Variants in TAFA2 observed in about 807,000 individuals in gnomAD.
The protein encoded by TAFA2 is TAFA chemokine like family member 2.
Under a neutral mutation model 18.8 loss-of-function variants are expected in TAFA2, and 7 were observed. The observed-to-expected ratio is 0.37, with a 90% CI of 0.21 to 0.70. The LOEUF (loss-of-function observed/expected upper bound fraction) is 0.70. Among genes scored for constraint, TAFA2 ranks in the 30% least tolerant of loss-of-function variants. The pLI, the probability that TAFA2 is intolerant of heterozygous loss-of-function variation, is 0.53. For synonymous variants in TAFA2, 60 were observed against 54.2 expected (o/e 1.11, Z -0.47); for missense variants, 122 against 158.1 (o/e 0.77, Z 1.23).
intron 2 of TAFA2, among the ~76,000 whole-genome samples, chr12:61,836,931 T>G (rs1872958377): frequency 6.6e-6 from 1 of 151,378 alleles, no homozygotes; most frequent in African/African-American, 2.4e-5. Context: ...TGAAGGCTAT[T>G]ATTTTATTAT....
chr12:61,895,869 A>G (rs1299888005), intron 1 of TAFA2, among the ~76,000 whole-genome samples: 1 of 152,150 alleles, frequency 6.6e-6, no homozygotes, highest in Non-Finnish European at 1.5e-5. Context: ...CCAGTAATCT[A>G]GTATCCTAAA....
At chr12:62,198,734 A>C (rs147323896) in intron 1 of TAFA2, among the ~76,000 whole-genome samples, 1 of 152,218 alleles carries the variant, frequency 6.6e-6, no homozygotes, top group Non-Finnish European at 1.5e-5. Flanking sequence ...GGAAGCACAG[A>C]ATTCATTCCA....
Position 61,963,525 on chromosome 12 carries a change from C to T in TAFA2, c.-1-96099G>A, listed in dbSNP as rs58478765. 4.9e-3 allele frequency among the ~76,000 whole-genome samples: 747 copies of T among 151,988 alleles called. 8 individuals carry two copies. The highest frequency in any genetic ancestry group is 0.017 in the African/African-American group (711 of 41,484). ...AGAAGTGTCTGTTCATATCCTTCAC[C>T]CACTTTTTGATGGGGTTGTTTAGGG... On this transcript the variant is annotated intron_variant, in intron 1 of 4. Coordinates refer to ENST00000416284, the MANE Select transcript of TAFA2 (RefSeq NM_178539.5).
chr12:62,247,912 C>T (rs1024798156), intron 1 of TAFA2, among the ~76,000 whole-genome samples: 4 of 152,054 alleles, frequency 2.6e-5, no homozygotes, highest in African/African-American at 9.7e-5. Flanking sequence ...ATTAGAAAGA[C>T]TGTTTCTTTT....
chr12:61,780,008 G>T (rs552426318), intron 2 of TAFA2, among the ~76,000 whole-genome samples: 3 of 151,922 alleles, frequency 2.0e-5, no homozygotes, highest in African/African-American at 7.2e-5. Context: ...TGGGCTTAGA[G>T]ATGTGTTTGA....
intron 4 of TAFA2, among the ~76,000 whole-genome samples, chr12:61,730,941 G>A (rs1273266412): frequency 1.3e-5 from 2 of 152,032 alleles, no homozygotes; most frequent in African/African-American, 4.8e-5. Context: ...CCCCACCATA[G>A]GATTCTGCCC....
At chr12:61,845,715 C>T (rs935945843) in intron 2 of TAFA2, among the ~76,000 whole-genome samples, 7 of 152,130 alleles carry the variant, frequency 4.6e-5, no homozygotes, top group African/African-American at 1.7e-4. Context: ...GGACTTACAG[C>T]CACATATTTT....
chr12:62,237,663 T>A (rs150215312), intron 1 of TAFA2, among the ~76,000 whole-genome samples: 112 of 152,374 alleles, frequency 7.4e-4, no homozygotes, highest in African/African-American at 2.6e-3. Flanking sequence ...TGGCTTGTTT[T>A]CAACTTTCTA....
intron 1 of TAFA2, among the ~76,000 whole-genome samples, chr12:62,087,050 C>T (rs1165247881): frequency 6.6e-6 from 1 of 151,984 alleles, no homozygotes; most frequent in Non-Finnish European, 1.5e-5. Flanking sequence ...TGACAAATAC[C>T]GTATGATTCC....
intron 1 of TAFA2, among the ~76,000 whole-genome samples, chr12:61,926,577 T>C (rs1434245087): frequency 6.6e-6 from 1 of 152,064 alleles, no homozygotes; most frequent in Non-Finnish European, 1.5e-5. Context: ...ATTACATAAA[T>C]TGAACCAATT....
At chr12:62,081,830 C>CAGGT (rs1315331510) in intron 1 of TAFA2, among the ~76,000 whole-genome samples, 1 of 152,054 alleles carries the variant, frequency 6.6e-6, no homozygotes, top group Non-Finnish European at 1.5e-5. Context: ...GCAGGATGTG[C>CAGGT]AGGTTTGTTA....
intron 4 of TAFA2, among the ~76,000 whole-genome samples, chr12:61,744,911 C>A (rs1382984930): frequency 1.3e-5 from 2 of 152,110 alleles, no homozygotes; most frequent in Non-Finnish European, 2.9e-5. Context: ...CTACCTTGAA[C>A]TCAATATCTA....
At chr12:62,226,844 C>T (rs1042165906) in intron 1 of TAFA2, among the ~76,000 whole-genome samples, 5 of 152,160 alleles carry the variant, frequency 3.3e-5, no homozygotes, top group Non-Finnish European at 5.9e-5. Context: ...AAATCTGGCC[C>T]GTCCCCTGTA....
rs563129911 is a variant in TAFA2, at chr12:62,230,021, T to C, written c.-130+28742A>G. 6.2e-4 allele frequency among the ~76,000 whole-genome samples: 95 copies of C among 152,204 alleles called. 1 individual carries two copies. The highest frequency in any genetic ancestry group is 2.9e-3 in the Admixed American group (44 of 15,296). ...GTTTTCCAATCTGTTGGCATATAGG[T>C]GTTCATAATAGTCTTTAATGATCCT... is the stretch of plus-strand genomic sequence containing the variant. On this transcript the variant is annotated intron_variant, in intron 1 of 5. Transcript: ENST00000551619.
chr12:62,217,591 T>C (rs1032632942), intron 1 of TAFA2, among the ~76,000 whole-genome samples: 7 of 152,188 alleles, frequency 4.6e-5, no homozygotes, highest in African/African-American at 1.7e-4. Context: ...TCATTTTCAG[T>C]GACTGATCCA....
intron 1 of TAFA2, among the ~76,000 whole-genome samples, chr12:62,037,216 A>G (rs920925314): frequency 6.6e-6 from 1 of 152,206 alleles, no homozygotes; most frequent in Non-Finnish European, 1.5e-5. Flanking sequence ...GGCTCTGCCC[A>G]TGAACTTACT....
At chr12:62,060,616 G>A (rs949694271) in intron 1 of TAFA2, among the ~76,000 whole-genome samples, 3 of 152,148 alleles carry the variant, frequency 2.0e-5, no homozygotes, top group Non-Finnish European at 2.9e-5. Flanking sequence ...AACAGCCTCA[G>A]GGAGGTCCTT....
intron 2 of TAFA2, among the ~76,000 whole-genome samples, chr12:61,808,292 T>C (rs556698521): frequency 6.6e-6 from 1 of 151,686 alleles, no homozygotes; most frequent in Non-Finnish European, 1.5e-5. Context: ...ATGTGAGACA[T>C]GCCTTTCACC....
At chr12:62,047,859 T>G (rs1036350916) in intron 1 of TAFA2, among the ~76,000 whole-genome samples, 1 of 152,196 alleles carries the variant, frequency 6.6e-6, no homozygotes, top group Non-Finnish European at 1.5e-5. Context: ...AGAATATGCA[T>G]GCTGAAAGTT....
Sources: allele counts gnomAD v4.1 joint callset (sites outside exome capture counted in the v4.1 genomes callset), GRCh38; gene constraint gnomAD v4.1.1; transcripts MANE v1.5; gene names NCBI Gene and HGNC (gene_info 2026-07-23, HGNC 2026-07-21).